The following VAT1L variants were observed in gnomAD, a reference collection of about 807,000 sequenced individuals.
VAT1L encodes vesicle amine transport 1 like.
VAT1L carries 34 observed loss-of-function variants against 44.1 expected under a neutral mutation model. That is an observed-to-expected ratio of 0.77 (90% CI 0.59 to 1.03). The LOEUF is 1.03. Ranked by LOEUF, VAT1L falls within the 50% of genes least tolerant of loss-of-function variation. VAT1L has a pLI of 0.00. For synonymous variants in VAT1L, 253 were observed against 202.2 expected, an observed-to-expected ratio of 1.25 and a Z score of -2.13; for missense variants, 615 against 538.8, an observed-to-expected ratio of 1.14 and a Z score of -1.40.
rs541408731 is a variant in VAT1L, at chr16:77,906,524, C to T, written c.1077+21722C>T. Among the ~76,000 whole-genome samples the T allele has an allele frequency of 3.7e-4, 56 of 152,056 alleles. No individual in the cohort carries two copies. The South Asian group carries it at 0.011, about 31-fold the overall frequency. ...GCAGGAACTTATTTGAGAAATGATC[C>T]CAGAGAGAAAAAGTGAGGGAGAAGA... On this transcript the variant is annotated intron_variant, in intron 7 of 8. Coordinates refer to ENST00000302536, the MANE Select transcript of VAT1L (RefSeq NM_020927.3).
chr16:77,877,643 G>C (rs1367079481), intron 5 of VAT1L, among the ~76,000 whole-genome samples: 1 of 151,490 alleles, frequency 6.6e-6, no homozygotes, highest in African/African-American at 2.4e-5. Context: ...AAGATTCTTG[G>C]TACCTTGTCC....
At chr16:77,936,549 G>T (rs1345325195) in intron 7 of VAT1L, among the ~76,000 whole-genome samples, 3 of 152,106 alleles carry the variant, frequency 2.0e-5, no homozygotes, top group African/African-American at 7.2e-5. Context: ...GCTTGCAGAC[G>T]ATTCGAAGAG....
intron 4 of VAT1L, among the ~76,000 whole-genome samples, chr16:77,870,492 A>G (rs986608124): frequency 6.6e-6 from 1 of 151,100 alleles, no homozygotes; most frequent in African/African-American, 2.4e-5. Context: ...CTGCCACTCA[A>G]GAGAAATTCT....
At chr16:77,957,618 G>A (rs199985092) in intron 7 of VAT1L, among the ~76,000 whole-genome samples, 9 of 151,740 alleles carry the variant, frequency 5.9e-5, no homozygotes, top group African/African-American at 1.9e-4. Context: ...CCAGCTACTC[G>A]GGAGGCTGAG....
chr16:77,815,709 C>A, intron 1 of VAT1L, among the ~76,000 whole-genome samples: 1 of 151,956 alleles, frequency 6.6e-6, no homozygotes. Context: ...TGGCTCATGC[C>A]TGTAATCCCA....
At chr16:77,808,321 G>A (rs112216949) in intron 1 of VAT1L, among the ~76,000 whole-genome samples, 1,874 of 152,112 alleles carry the variant, frequency 0.012, 12 homozygotes, top group Middle Eastern at 0.02. Context: ...AGATGGGACC[G>A]TCGAGTTGTA....
chr16:77,951,782 G>T (rs373358252), intron 7 of VAT1L, among the ~76,000 whole-genome samples: 1 of 151,400 alleles, frequency 6.6e-6, no homozygotes, highest in East Asian at 1.9e-4. Flanking sequence ...CTACTTTGAT[G>T]TATTGGTTTT....
chr16:77,958,107 C>T (rs550280602), intron 7 of VAT1L, among the ~76,000 whole-genome samples: 10 of 152,168 alleles, frequency 6.6e-5, no homozygotes, highest in African/African-American at 1.9e-4. Flanking sequence ...GAGCATTTGC[C>T]ATGTGGGCCA....
chr16:77,824,551 C>T (rs1158283879), intron 2 of VAT1L, among the ~76,000 whole-genome samples: 2 of 151,804 alleles, frequency 1.3e-5, no homozygotes, highest in African/African-American at 2.4e-5. Context: ...GTCAGGAGAT[C>T]GAGACCATCC....
intron 7 of VAT1L, among the ~76,000 whole-genome samples, chr16:77,902,639 T>C (rs868455898): frequency 7.0e-6 from 1 of 143,466 alleles, no homozygotes; most frequent in African/African-American, 2.6e-5. Flanking sequence ...AAAAAGAAAA[T>C]AGATCAATCA....
chr16:77,841,066 T>C (rs2016699418), intron 3 of VAT1L, among the ~76,000 whole-genome samples: 1 of 152,220 alleles, frequency 6.6e-6, no homozygotes, highest in African/African-American at 2.4e-5. Flanking sequence ...TGGCCTTGTA[T>C]GCACCAATAA....
At chr16:77,956,175 C>T (rs2018101411) in intron 7 of VAT1L, among the ~76,000 whole-genome samples, 2 of 152,118 alleles carry the variant, frequency 1.3e-5, no homozygotes, top group African/African-American at 4.8e-5. Flanking sequence ...TGTATCAAAA[C>T]ATCTCATGTA....
At chr16:77,789,140 C>T (rs1408403787) in intron 1 of VAT1L, among the ~76,000 whole-genome samples, 1 of 152,138 alleles carries the variant, frequency 6.6e-6, no homozygotes, top group African/African-American at 2.4e-5. Context: ...AATGTGAGCT[C>T]CTGGGCGCGG....
intron 7 of VAT1L, among the ~76,000 whole-genome samples, chr16:77,960,636 C>T (rs2018150927): frequency 6.6e-6 from 1 of 152,096 alleles, no homozygotes; most frequent in Non-Finnish European, 1.5e-5. Context: ...TGGCCAAAGC[C>T]AACTGGAAGC....
intron 3 of VAT1L, among the ~76,000 whole-genome samples, chr16:77,840,618 A>G (rs2016694602): frequency 6.6e-6 from 1 of 152,192 alleles, no homozygotes. Context: ...GCATGTCAGG[A>G]GAAAATACTA....
chr16:77,790,895 G>C lies in VAT1L; in HGVS notation c.233+1980G>C, dbSNP rs144161883. Among the ~76,000 whole-genome samples, 14 of 152,298 alleles carry C rather than the reference G, an allele frequency of 9.2e-5. No individual in the cohort carries two copies. In the East Asian group the frequency reaches 2.7e-3, roughly 29 times the overall value. ...ATAAATGTCAAGATGAAGGCCAAGA[G>C]ATTGATTTTCAAAGCCAGATGTGAA... On this transcript the variant is annotated intron_variant, in intron 1 of 8. Coordinates refer to ENST00000302536, the MANE Select transcript of VAT1L (RefSeq NM_020927.3).
intron 7 of VAT1L, among the ~76,000 whole-genome samples, chr16:77,890,715 G>A (rs1165038060): frequency 6.6e-6 from 1 of 151,720 alleles, no homozygotes; most frequent in Non-Finnish European, 1.5e-5. Flanking sequence ...TTGAGCCCAG[G>A]AGTTCAAGAC....
intron 3 of VAT1L, among the ~76,000 whole-genome samples, chr16:77,842,377 T>C (rs932802612): frequency 1.3e-5 from 2 of 152,204 alleles, no homozygotes; most frequent in African/African-American, 2.4e-5. Flanking sequence ...AGTGCTTGCA[T>C]TGAGAGGGCT....
intron 7 of VAT1L, among the ~76,000 whole-genome samples, chr16:77,910,456 A>G (rs1298537275): frequency 6.6e-6 from 1 of 152,090 alleles, no homozygotes; most frequent in East Asian, 1.9e-4. Context: ...GCGAATCACA[A>G]GGTCAGGAGA....
Sources: gnomAD v4.1 joint callset for allele counts (sites outside exome capture counted in the v4.1 genomes callset) on GRCh38, gnomAD v4.1.1 for gene constraint, MANE v1.5 for transcripts, NCBI Gene and HGNC (gene_info 2026-07-23, HGNC 2026-07-21) for gene names.